Variants in POTEJ observed in about 807,000 individuals in gnomAD.
POTEJ encodes the protein POTE ankyrin domain family, member J.
POTEJ carries 11 observed loss-of-function variants against 69.0 expected under a neutral mutation model. That is an observed-to-expected ratio of 0.16 (90% CI 0.10 to 0.26). The LOEUF (loss-of-function observed/expected upper bound fraction) is 0.26. POTEJ is among the 10% of genes least tolerant of loss of function. POTEJ has a pLI of 1.00. For synonymous variants in POTEJ, 117 were observed against 381.1 expected (o/e 0.31, Z 8.07); for missense variants, 327 against 1,045.5 (o/e 0.31, Z 9.48).
intron 14 of POTEJ, among the ~76,000 whole-genome samples, 191 bp from the exon 15 acceptor site, chr2:130,656,358 C>T (rs576604379): frequency 1.6e-3 from 240 of 147,188 alleles, no homozygotes; most frequent in East Asian, 0.011. Flanking sequence ...TATTTAAAGA[C>T]GATGAAAAAT....
chr2:130,615,642 A>G (rs1246150534), intron 1 of POTEJ, among the ~76,000 whole-genome samples: 1 of 142,116 alleles, frequency 7.0e-6, no homozygotes, highest in Non-Finnish European at 1.5e-5. Flanking sequence ...AGCAGGAAAT[A>G]GAACGAACGG....
upstream of POTEJ, among the ~76,000 whole-genome samples, chr2:130,611,281 G>A (rs1260078231): frequency 5.8e-5 from 8 of 138,784 alleles, no homozygotes; most frequent in Non-Finnish European, 1.2e-4. Flanking sequence ...ATTCCCTTGG[G>A]TGGGCTGGGT....
chr2:130,618,704 G>A (rs1685452292), intron 3 of POTEJ, among the ~76,000 whole-genome samples: 1 of 127,512 alleles, frequency 7.8e-6, no homozygotes, highest in Non-Finnish European at 1.6e-5. Flanking sequence ...AGAAACTTAA[G>A]GTATCTCTAG....
At chr2:130,643,540 G>T (rs555809649) in intron 10 of POTEJ, among the ~76,000 whole-genome samples, 4 of 143,282 alleles carry the variant, frequency 2.8e-5, no homozygotes, top group South Asian at 4.4e-4. Flanking sequence ...AAGAAAAAAA[G>T]AAAATAAATT....
In POTEJ at chr2:130,632,015, G is replaced by A. The variant is rs181373962; in HGVS notation, c.1132-475G>A. On this transcript the variant is annotated intron_variant, in intron 8 of 14. Transcript: ENST00000409602. ...CAGTGGGGGAGAAGAATATCTTAGCGCAGAAAAGGGCAAACTTCCTTTCTA... is the reference window on the plus strand; with the variant it reads ...CAGTGGGGGAGAAGAATATCTTAGCACAGAAAAGGGCAAACTTCCTTTCTA... 3.7e-3 allele frequency among the ~76,000 whole-genome samples: 532 copies of A among 143,898 alleles called. 3 individuals are homozygous for A. The highest frequency in any genetic ancestry group is 0.02 in the Admixed American group (295 of 14,546). 94.4% of individuals were successfully genotyped at this position (143,898 alleles called of 152,430 possible). A position where few individuals can be genotyped will look rare whatever the true frequency, so the allele number is the denominator to read the frequency against.
intron 1 of POTEJ, among the ~76,000 whole-genome samples, chr2:130,615,787 A>T (rs1163269362): frequency 3.4e-5 from 5 of 148,798 alleles, no homozygotes; most frequent in Non-Finnish European, 7.4e-5. Flanking sequence ...CTCCACAAAT[A>T]GTTTCATAAA....
intron 10 of POTEJ, among the ~76,000 whole-genome samples, chr2:130,640,697 T>G (rs555813084): frequency 2.0e-5 from 3 of 152,144 alleles, no homozygotes; most frequent in Non-Finnish European, 4.4e-5. Flanking sequence ...GGGCTTCCTG[T>G]AACATTTCAT....
intron 9 of POTEJ, among the ~76,000 whole-genome samples, chr2:130,636,847 C>G (rs183909284): frequency 6.8e-6 from 1 of 147,632 alleles, no homozygotes; most frequent in Non-Finnish European, 1.5e-5. Context: ...AATCACAGCA[C>G]TTTGGGAGGC....
At chr2:130,650,348 T>C (rs1356044628) in intron 13 of POTEJ, among the ~76,000 whole-genome samples, 24 of 152,344 alleles carry the variant, frequency 1.6e-4, no homozygotes, top group African/African-American at 5.8e-4. Flanking sequence ...TTTCCTGCTT[T>C]AGTTTTTCTC....
rs1427530718 is a variant in POTEJ at position 130,646,948 on chromosome 2, A to T, written c.1667+638A>T. On this transcript the variant is annotated intron_variant, in intron 13 of 14. Transcript: ENST00000409602. ...CATTAATTGAGTAGCATATTCACAC[A>T]CACATATATAACAGAGTAAGCATAT... Among the ~76,000 whole-genome samples, 78 of 148,862 alleles carry T rather than the reference A, an allele frequency of 5.2e-4. 1 individual carries two copies. Among genetic ancestry groups the T allele is most frequent in the African/African-American group, 1.9e-3 (75 of 38,656 alleles).
intron 14 of POTEJ, among the ~76,000 whole-genome samples, chr2:130,655,551 G>A (rs1397976810): frequency 6.6e-6 from 1 of 152,244 alleles, no homozygotes; most frequent in Non-Finnish European, 1.5e-5. Flanking sequence ...GACATGCCAT[G>A]ATACACATTT....
At chr2:130,638,055 A>G (rs1375638782) in intron 9 of POTEJ, among the ~76,000 whole-genome samples, 1 of 148,544 alleles carries the variant, frequency 6.7e-6, no homozygotes, top group African/African-American at 2.5e-5. Flanking sequence ...GGACTTAATA[A>G]CGTTTCCTGA....
chr2:130,625,586 G>C (rs1435404236), intron 6 of POTEJ, among the ~76,000 whole-genome samples: 1 of 150,764 alleles, frequency 6.6e-6, no homozygotes, highest in Non-Finnish European at 1.5e-5. Context: ...AGCAGAAGAA[G>C]AATGTTTGGC....
chr2:130,649,477 C>A (rs1573996140), intron 13 of POTEJ, among the ~76,000 whole-genome samples: 1 of 151,800 alleles, frequency 6.6e-6, no homozygotes, highest in African/African-American at 2.4e-5. Flanking sequence ...CCGTCATCTG[C>A]AGTTTAGATG....
chr2:130,633,913 TAA>T lies in POTEJ; in HGVS notation c.1298+1259_1298+1260del, dbSNP rs1335764296. Among the ~76,000 whole-genome samples the T allele has an allele frequency of 9.6e-4, 144 of 150,260 alleles. No individual in the cohort carries two copies. In the East Asian group the frequency reaches 0.018, roughly 19 times the overall value. On this transcript the variant is annotated intron_variant, in intron 9 of 14. Coordinates refer to ENST00000409602, the MANE Select transcript of POTEJ (RefSeq NM_001277083.2). ...AATATTTTAGGCTTTGTGGACTATA[TAA>T]ATTAATTTATTTTTGAGACAGGGTC...
chr2:130,634,813 A>G (rs1232957655), intron 9 of POTEJ, among the ~76,000 whole-genome samples: 1 of 147,206 alleles, frequency 6.8e-6, no homozygotes, highest in Non-Finnish European at 1.5e-5. Flanking sequence ...AACTGTCCAC[A>G]CTCACGAACT....
At chr2:130,647,028 A>T (rs1289100514) in intron 13 of POTEJ, among the ~76,000 whole-genome samples, 2 of 150,384 alleles carry the variant, frequency 1.3e-5, no homozygotes, top group South Asian at 4.1e-4. Flanking sequence ...CTTATGTATA[A>T]GGACATTTAT....
chr2:130,625,346 C>A (rs1214298364), intron 6 of POTEJ, among the ~76,000 whole-genome samples: 3 of 151,972 alleles, frequency 2.0e-5, no homozygotes, highest in Non-Finnish European at 4.4e-5. Context: ...ATGCTATAGA[C>A]CACAAACAAT....
intron 10 of POTEJ, among the ~76,000 whole-genome samples, chr2:130,640,684 A>C (rs1262643605): frequency 6.6e-6 from 1 of 151,926 alleles, no homozygotes; most frequent in Non-Finnish European, 1.5e-5. Flanking sequence ...AGAAGCATGC[A>C]AGGGGCTTCC....
Sources: gnomAD v4.1 joint callset for allele counts (sites outside exome capture counted in the v4.1 genomes callset) on GRCh38, gnomAD v4.1.1 for gene constraint, MANE v1.5 for transcripts, NCBI Gene and HGNC (gene_info 2026-07-23, HGNC 2026-07-21) for gene names.